Variants in TMEM62 observed in about 807,000 individuals in gnomAD.
TMEM62 encodes transmembrane protein 62.
Under a neutral mutation model 70.4 loss-of-function variants are expected in TMEM62, and 41 were observed. That is an observed-to-expected ratio of 0.58 (90% CI 0.45 to 0.76). The LOEUF is 0.76. TMEM62 is among the 30% of genes least tolerant of loss of function. The probability of loss-of-function intolerance (pLI) is 0.00; values close to 1 mark genes in which losing one functional copy is unlikely to be tolerated. For synonymous variants in TMEM62, 268 were observed against 291.0 expected (o/e 0.92, Z 0.80); for missense variants, 688 against 788.5 (o/e 0.87, Z 1.53).
Position 43,184,559 on chromosome 15 carries a change from G to A in TMEM62, c.1905G>A (p.Val635=). ...LNSTKFGIFM[V]QLKSHLSS is the part of the protein sequence containing the mutation. ...CCACCAAGTTTGGAATCTTCATGGT[G>A]CAGTTAAAAAGCCACCTGAGCTCCT... Residue 635 remains valine, a synonymous_variant, in exon 14 of 14, where the codon GTG becomes GTA. Transcript: ENST00000260403. 1.2e-6 allele frequency: 2 copies of A among 1,611,318 alleles called. No individual in the cohort carries two copies. Among genetic ancestry groups the A allele is most frequent in the Non-Finnish European group, 1.7e-6 (2 of 1,180,016 alleles).
Position 43,167,950 on chromosome 15 carries a change from C to T in TMEM62, c.1297-1643C>T, listed in dbSNP as rs530832483. On this transcript the variant is annotated intron_variant, in intron 10 of 13. Coordinates refer to ENST00000260403, the MANE Select transcript of TMEM62 (RefSeq NM_024956.4). ...CAGCCCGGCCAACACAGCGAAACCC[C>T]GTCTCCACCAAAAAAATACGAAAAC... Among the ~76,000 whole-genome samples the T allele has an allele frequency of 8.6e-4, 131 of 152,204 alleles. 1 individual carries two copies. Among genetic ancestry groups the T allele is most frequent in the Middle Eastern group, 3.4e-3 (1 of 294 alleles).
At chr15:43,149,211 A>G in intron 7 of TMEM62, 60 bp downstream of exon 7, 1 of 1,570,998 alleles carries the variant, frequency 6.4e-7, no homozygotes, top group Non-Finnish European at 8.7e-7. Flanking sequence ...AAGCAATGAT[A>G]GTTTTCTTAC....
intron 11 of TMEM62, among the ~76,000 whole-genome samples, chr15:43,173,456 C>T (rs903743471): frequency 3.3e-5 from 5 of 152,220 alleles, no homozygotes; most frequent in African/African-American, 1.2e-4. Flanking sequence ...TCAGACATCT[C>T]TGCAAGACAC....
intron 11 of TMEM62, among the ~76,000 whole-genome samples, chr15:43,176,186 C>A (rs1189715974): frequency 6.6e-6 from 1 of 152,268 alleles, no homozygotes; most frequent in Non-Finnish European, 1.5e-5. Context: ...CCGGGAAGCT[C>A]GAACTGGGTG....
intron 4 of TMEM62, among the ~76,000 whole-genome samples, chr15:43,140,826 C>T (rs1173018802): frequency 6.6e-6 from 1 of 152,186 alleles, no homozygotes; most frequent in African/African-American, 2.4e-5. Context: ...AGAAGCATAG[C>T]AACATTGATG....
At chr15:43,152,216 T>C (rs566561414) in intron 8 of TMEM62, among the ~76,000 whole-genome samples, 49 of 152,328 alleles carry the variant, frequency 3.2e-4, no homozygotes, top group African/African-American at 1.2e-3. Flanking sequence ...GCCTTTTTAT[T>C]TGGACGCTTT....
At chr15:43,171,706 C>A (rs1336536416) in intron 11 of TMEM62, among the ~76,000 whole-genome samples, 3 of 149,064 alleles carry the variant, frequency 2.0e-5, no homozygotes, top group African/African-American at 5.0e-5. Flanking sequence ...CAGCTCACTG[C>A]AAGCTCTGCC....
Position 43,148,824 on chromosome 15 carries a change from C to A in TMEM62, c.688C>A (p.His230Asn). The A allele has an allele frequency of 6.2e-7, 1 of 1,614,134 alleles. No homozygotes were observed. Among genetic ancestry groups the A allele is most frequent in the South Asian group, 1.1e-5 (1 of 91,076 alleles). ...SRSNHTIWFGHFTTSTILSPS... is the reference protein window; with the variant it reads ...SRSNHTIWFGNFTTSTILSPS... The stretch of plus-strand genomic sequence containing the variant: ...GAGCAACCATACAATTTGGTTTGGA[C>A]ACTTTACAACATCCACTATTCTTTC... The change falls in exon 6 of 14, where the codon CAC becomes AAC. Residue 230 changes from histidine to asparagine, a missense_variant. By Grantham distance (68) the His-to-Asn change is moderately conservative. Coordinates refer to ENST00000260403, the MANE Select transcript of TMEM62 (RefSeq NM_024956.4).
At chr15:43,140,317 C>A (rs1205604056) in intron 4 of TMEM62, among the ~76,000 whole-genome samples, 1 of 152,172 alleles carries the variant, frequency 6.6e-6, no homozygotes, top group African/African-American at 2.4e-5. Flanking sequence ...TTCACCGGGG[C>A]CACCTTCTCG....
In TMEM62 at chr15:43,133,796, G is replaced by A. The variant is rs2034735250; in HGVS notation, c.-7G>A. ...CAGCGAGGGCCGCGCCCCGGCGGGC[G>A]GGCGGCATGGCTGCAGTGCTGGCTC... On this transcript the variant is annotated 5_prime_UTR_variant, in exon 1 of 14. Coordinates refer to ENST00000260403, the MANE Select transcript of TMEM62 (RefSeq NM_024956.4). 1.3e-5 allele frequency: 18 copies of A among 1,363,476 alleles called. No homozygotes were observed. Among genetic ancestry groups the A allele is most frequent in the Admixed American group, 3.8e-5 (1 of 26,426 alleles). 84.5% of individuals were successfully genotyped at this position (1,363,476 alleles called of 1,614,324 possible). A position where few individuals can be genotyped will look rare whatever the true frequency, so the allele number is the denominator to read the frequency against.
intron 13 of TMEM62, 114 bp downstream of exon 13, chr15:43,181,413 C>T: frequency 4.2e-6 from 3 of 722,252 alleles, no homozygotes; most frequent in Non-Finnish European, 7.2e-6. Context: ...ATCTTTCCTA[C>T]TTTACTTGCA....
At chr15:43,157,558 A>G (rs1464088758) in intron 9 of TMEM62, among the ~76,000 whole-genome samples, 2 of 152,260 alleles carry the variant, frequency 1.3e-5, no homozygotes, top group East Asian at 3.9e-4. Context: ...ATAATGGGAA[A>G]ATTTTAAATA....
chr15:43,134,858 C>G (rs191831978), intron 2 of TMEM62, among the ~76,000 whole-genome samples: 1 of 152,288 alleles, frequency 6.6e-6, no homozygotes, highest in African/African-American at 2.4e-5. Flanking sequence ...TTTCTAGACT[C>G]TTCAAACACT....
intron 8 of TMEM62, among the ~76,000 whole-genome samples, chr15:43,153,885 A>G (rs923092482): frequency 3.9e-5 from 6 of 152,130 alleles, no homozygotes; most frequent in Admixed American, 3.9e-4. Flanking sequence ...ATCATATGGT[A>G]ATTATCTGTT....
intron 4 of TMEM62, among the ~76,000 whole-genome samples, chr15:43,145,009 A>G (rs1332787975): frequency 6.7e-6 from 1 of 149,426 alleles, no homozygotes; most frequent in African/African-American, 2.5e-5. Context: ...TTAAATCTTG[A>G]TCTTAAAAAT....
intron 6 of TMEM62, 43 bp downstream of exon 6, chr15:43,148,922 T>G (rs1407744616): frequency 6.2e-7 from 1 of 1,602,934 alleles, no homozygotes; most frequent in East Asian, 2.2e-5. Flanking sequence ...GTTTTTAGTT[T>G]TTTTATTTTG....
rs2141412176 is a variant in TMEM62 at position 43,133,784 on chromosome 15, GC to G, written c.-15del. 1 of 1,351,592 alleles carries G rather than the reference GC, an allele frequency of 7.4e-7. No homozygotes were observed. Among genetic ancestry groups the G allele is most frequent in the South Asian group, 1.9e-5 (1 of 52,680 alleles). The allele number at this position is 1,351,592 out of a possible 1,614,324, so 83.7% of individuals were successfully genotyped here. ...CCTGCGCGGGATCAGCGAGGGCCGC[GC>G]CCCGGCGGGCGGGCGGCATGGCTGC... On this transcript the variant is annotated 5_prime_UTR_variant, in exon 1 of 14. Coordinates refer to ENST00000260403, the MANE Select transcript of TMEM62 (RefSeq NM_024956.4).
chr15:43,164,367 A>G (rs1879430372), intron 10 of TMEM62, among the ~76,000 whole-genome samples: 1 of 152,062 alleles, frequency 6.6e-6, no homozygotes, highest in Admixed American at 6.5e-5. Flanking sequence ...TACCACAATT[A>G]CAGTGTCAGA....
chr15:43,178,016 AG>A (rs1471169528), intron 11 of TMEM62, among the ~76,000 whole-genome samples: 3 of 151,598 alleles, frequency 2.0e-5, no homozygotes, highest in Non-Finnish European at 4.4e-5. Flanking sequence ...TTAAAAAAAA[AG>A]AACTGTATAA....
Sources: allele counts gnomAD v4.1 joint callset (sites outside exome capture counted in the v4.1 genomes callset), GRCh38; gene constraint gnomAD v4.1.1; transcripts MANE v1.5; gene names NCBI Gene and HGNC (gene_info 2026-07-23, HGNC 2026-07-21).